The following ROBO2 variants were observed in gnomAD, a reference collection of about 807,000 sequenced individuals.
ROBO2 encodes the protein roundabout guidance receptor 2.
ROBO2 carries 53 observed loss-of-function variants against 160.8 expected under a neutral mutation model. The ratio of observed to expected loss-of-function variants is 0.33; its 90% CI spans 0.26 to 0.41. The LOEUF is 0.41. Among genes scored for constraint, ROBO2 ranks in the 10% least tolerant of loss-of-function variants. ROBO2 has a pLI of 1.00. For missense variants in ROBO2, 1,577 were observed against 1,722.4 expected, an observed-to-expected ratio of 0.92 and a Z score of 1.49; for synonymous variants, 664 against 611.7, an observed-to-expected ratio of 1.09 and a Z score of -1.26.
At chr3:76,426,607 T>C (rs2076230950) in intron 2 of ROBO2, among the ~76,000 whole-genome samples, 1 of 152,208 alleles carries the variant, frequency 6.6e-6, no homozygotes, top group South Asian at 2.1e-4. Context: ...TTTTGAAATT[T>C]AAAAGGAAAC....
chr3:77,061,194 A>G (rs2066265058), intron 1 of ROBO2, among the ~76,000 whole-genome samples: 2 of 152,200 alleles, frequency 1.3e-5, no homozygotes, highest in South Asian at 2.1e-4. Flanking sequence ...ATGCATGTAC[A>G]TACAGACGGA....
intron 2 of ROBO2, among the ~76,000 whole-genome samples, chr3:77,124,548 C>A (rs1216100288): frequency 6.6e-6 from 1 of 152,010 alleles, no homozygotes; most frequent in Admixed American, 6.6e-5. Context: ...GGACATGACA[C>A]AATGTGATAT....
At chr3:77,151,859 T>G (rs1437743909) in intron 2 of ROBO2, among the ~76,000 whole-genome samples, 2 of 152,198 alleles carry the variant, frequency 1.3e-5, no homozygotes, top group African/African-American at 2.4e-5. Flanking sequence ...CATGTAAAAT[T>G]TCTTTAAATA....
intron 1 of ROBO2, among the ~76,000 whole-genome samples, chr3:77,051,791 G>A (rs748104300): frequency 2.0e-5 from 3 of 152,152 alleles, no homozygotes; most frequent in Non-Finnish European, 4.4e-5. Context: ...TACCTGGGAG[G>A]GGCAATCTCC....
At chr3:76,148,555 C>T (rs1191860737) in intron 2 of ROBO2, among the ~76,000 whole-genome samples, 1 of 152,032 alleles carries the variant, frequency 6.6e-6, no homozygotes, top group Non-Finnish European at 1.5e-5. Flanking sequence ...GCTTTCTGGG[C>T]CTATCCCAAT....
chr3:76,217,366 A>T (rs1041681310), intron 2 of ROBO2, among the ~76,000 whole-genome samples: 1 of 152,212 alleles, frequency 6.6e-6, no homozygotes, highest in Non-Finnish European at 1.5e-5. Context: ...AAAATCAATG[A>T]ATCCAGGAGC....
At chr3:76,743,539 T>A (rs1217142375) in intron 2 of ROBO2, among the ~76,000 whole-genome samples, 3 of 152,256 alleles carry the variant, frequency 2.0e-5, no homozygotes, top group Non-Finnish European at 1.5e-5. Flanking sequence ...GACATATTTT[T>A]AAAAGTTATC....
chr3:77,021,222 A>G (rs1208214418), intron 2 of ROBO2, among the ~76,000 whole-genome samples: 1 of 152,044 alleles, frequency 6.6e-6, no homozygotes, highest in East Asian at 1.9e-4. Flanking sequence ...GAAAGAAAGA[A>G]AAGAATACCC....
chr3:77,057,569 A>AT (rs71104648), intron 1 of ROBO2, among the ~76,000 whole-genome samples: 15,156 of 104,082 alleles, frequency 0.15, 2,347 homozygotes, highest in African/African-American at 0.29. Flanking sequence ...ATTCCAGAGG[A>AT]TTTTTTTTTT....
intron 2 of ROBO2, among the ~76,000 whole-genome samples, chr3:76,184,562 TAG>T (rs2107127526): frequency 6.8e-6 from 1 of 147,000 alleles, no homozygotes; most frequent in Non-Finnish European, 1.5e-5. Context: ...GATAGATAGA[TAG>T]ATAGATAGAT....
At chr3:75,970,964 T>C (rs969303291) in intron 2 of ROBO2, among the ~76,000 whole-genome samples, 1 of 151,278 alleles carries the variant, frequency 6.6e-6, no homozygotes, top group Admixed American at 6.6e-5. Context: ...GGCCAAAACA[T>C]TTTTAATCCT....
chr3:77,039,969 T>G, exon 1 of ROBO2: 1 of 402,962 alleles, frequency 2.5e-6, no homozygotes, highest in Non-Finnish European at 3.4e-6. Context: ...CGCCCGTCTC[T>G]GCTCGCGCCC....
chr3:77,053,534 T>C (rs1297965681), intron 1 of ROBO2, among the ~76,000 whole-genome samples: 1 of 152,090 alleles, frequency 6.6e-6, no homozygotes, highest in Non-Finnish European at 1.5e-5. Flanking sequence ...CAATCAGAGA[T>C]AAAAATGTAA....
chr3:77,432,679 C>T (rs1266371089), intron 2 of ROBO2, among the ~76,000 whole-genome samples: 1 of 152,154 alleles, frequency 6.6e-6, no homozygotes, highest in Admixed American at 6.5e-5. Context: ...GGTCCACAAA[C>T]CCAACTTTTC....
intron 2 of ROBO2, among the ~76,000 whole-genome samples, chr3:76,619,056 A>G (rs569150120): frequency 1.3e-5 from 2 of 151,116 alleles, no homozygotes; most frequent in Middle Eastern, 3.4e-3. Context: ...AAAGAAAAAA[A>G]TAGGCCGGGC....
At chr3:76,721,338 G>T (rs548520889) in intron 2 of ROBO2, among the ~76,000 whole-genome samples, 1 of 152,080 alleles carries the variant, frequency 6.6e-6, no homozygotes, top group African/African-American at 2.4e-5. Flanking sequence ...CTTTTCATCT[G>T]TTCCTTCCTA....
intron 2 of ROBO2, among the ~76,000 whole-genome samples, chr3:75,954,216 A>G (rs1948649498): frequency 6.6e-6 from 1 of 151,794 alleles, no homozygotes; most frequent in Non-Finnish European, 1.5e-5. Context: ...TATTTGTTCC[A>G]TTTAATGCAT....
chr3:77,082,171 A>G (rs556532173), intron 1 of ROBO2, among the ~76,000 whole-genome samples: 10 of 152,366 alleles, frequency 6.6e-5, no homozygotes, highest in Non-Finnish European at 1.2e-4. Flanking sequence ...AGTATAAAGC[A>G]TAGAGCAGAA....
intron 2 of ROBO2, among the ~76,000 whole-genome samples, chr3:76,330,257 T>G (rs1048201811): frequency 1.2e-4 from 18 of 152,170 alleles, no homozygotes; most frequent in African/African-American, 4.3e-4. Context: ...AGGGATAAAC[T>G]AAACTCATAA....
Sources: gnomAD v4.1 joint callset for allele counts (sites outside exome capture counted in the v4.1 genomes callset) on GRCh38, gnomAD v4.1.1 for gene constraint, MANE v1.5 for transcripts, NCBI Gene and HGNC (gene_info 2026-07-23, HGNC 2026-07-21) for gene names.